MOBP: variants seen among roughly 807,000 people sequenced by gnomAD.
MOBP encodes myelin-associated oligodendrocyte basic protein.
In MOBP, 5 loss-of-function variants were observed where a neutral mutation model predicts 15.0. The ratio of observed to expected loss-of-function variants is 0.33; its 90% CI spans 0.17 to 0.70. The LOEUF (loss-of-function observed/expected upper bound fraction) is 0.70. MOBP is among the 30% of genes least tolerant of loss of function. The pLI is 0.67. For synonymous variants in MOBP, 88 were observed against 99.0 expected, an observed-to-expected ratio of 0.89 and a Z score of 0.66; for missense variants, 188 against 257.8, an observed-to-expected ratio of 0.73 and a Z score of 1.85.
rs1204018724 is a variant in MOBP at position 39,492,779 on chromosome 3, C to T, written c.-4-9287C>T. On this transcript the variant is annotated intron_variant, in intron 2 of 3. Transcript: ENST00000684792. The stretch of plus-strand genomic sequence containing the variant: ...CAGTGTGTTATTCTCACATAGGGTT[C>T]AGGTCCTGGGTGCACAGTCAAGGTC... Among the ~76,000 whole-genome samples the T allele has an allele frequency of 3.9e-5, 6 of 152,236 alleles. No individual in the cohort carries two copies. The South Asian group carries it at 1.0e-3, about 26-fold the overall frequency.
chr3:39,475,145 A>G (rs1055083930), intron 1 of MOBP, among the ~76,000 whole-genome samples: 1 of 152,140 alleles, frequency 6.6e-6, no homozygotes, highest in Non-Finnish European at 1.5e-5. Context: ...AAAAACATTG[A>G]AAAGTTATGT....
At chr3:39,507,233 T>G (rs1035046101), downstream of MOBP, among the ~76,000 whole-genome samples, 18 of 152,218 alleles carry the variant, frequency 1.2e-4, no homozygotes, top group African/African-American at 4.1e-4. Context: ...CTTGATTTCT[T>G]TCCTACAAAA....
chr3:39,506,472 A>G (rs1399330704), downstream of MOBP, among the ~76,000 whole-genome samples: 1 of 151,918 alleles, frequency 6.6e-6, no homozygotes. Context: ...GAGCCAATTA[A>G]AAAAAAGCAT....
At chr3:39,509,954 A>T (rs1384566920) in intron 4 of MOBP, among the ~76,000 whole-genome samples, 1 of 152,070 alleles carries the variant, frequency 6.6e-6, no homozygotes, top group Non-Finnish European at 1.5e-5. Context: ...TCTAGGTTTT[A>T]CTTTTACAGT....
chr3:39,489,322 G>T (rs1382849529), intron 2 of MOBP, among the ~76,000 whole-genome samples: 1 of 152,074 alleles, frequency 6.6e-6, no homozygotes, highest in Non-Finnish European at 1.5e-5. Context: ...CTACTCATGG[G>T]GTAAGAGATA....
At chr3:39,490,606 AG>A (rs1297748276) in intron 2 of MOBP, among the ~76,000 whole-genome samples, 1 of 152,166 alleles carries the variant, frequency 6.6e-6, no homozygotes, top group Non-Finnish European at 1.5e-5. Flanking sequence ...TCTGTCACCC[AG>A]GCTGGAGTGC....
rs779840872 is a variant in MOBP, at chr3:39,502,019, A to G, written c.-4-47A>G. ...CCAGAGTAGAGGGCTCCCTTTCCTG[A>G]TGTGCGTTTATGTCTCCTCCTGTCT... is the stretch of plus-strand genomic sequence containing the variant. On this transcript the variant is annotated intron_variant, in intron 2 of 3. Coordinates refer to ENST00000684792, the MANE Select transcript of MOBP (RefSeq NM_001393704.1). This position sits in a 1 kb window ranked among gnomAD's most constrained non-coding sequence, Gnocchi z 6.3. 1.3e-6 allele frequency: 2 copies of G among 1,519,262 alleles called. No individual in the cohort carries two copies. The highest frequency in any genetic ancestry group is 2.3e-5 in the South Asian group (2 of 88,774). 94.1% of individuals were successfully genotyped at this position (1,519,262 alleles called of 1,614,324 possible). A position where few individuals can be genotyped will look rare whatever the true frequency, so the allele number is the denominator to read the frequency against.
At chr3:39,522,536 A>G (rs968535774) in intron 3 of MOBP, among the ~76,000 whole-genome samples, 1 of 152,144 alleles carries the variant, frequency 6.6e-6, no homozygotes, top group African/African-American at 2.4e-5. Flanking sequence ...CCTCTGATCT[A>G]CTTTTTAAGC....
downstream of MOBP, among the ~76,000 whole-genome samples, chr3:39,507,974 G>A (rs1170193136): frequency 6.6e-6 from 1 of 152,148 alleles, no homozygotes; most frequent in Non-Finnish European, 1.5e-5. Flanking sequence ...CTGAATATTT[G>A]TCTTACACCC....
At chr3:39,496,479 G>A (rs1226083072) in intron 2 of MOBP, among the ~76,000 whole-genome samples, 4 of 150,214 alleles carry the variant, frequency 2.7e-5, no homozygotes, top group Admixed American at 1.3e-4. Context: ...GATTACAGGC[G>A]TGAGCCACCA....
downstream of MOBP, among the ~76,000 whole-genome samples, chr3:39,518,804 T>C (rs1447323216): frequency 6.6e-6 from 1 of 152,226 alleles, no homozygotes; most frequent in Non-Finnish European, 1.5e-5. Context: ...AAAGTTTTTC[T>C]TTACACCTTA....
At chr3:39,470,087 A>G (rs1029592648) in intron 1 of MOBP, among the ~76,000 whole-genome samples, 1 of 152,212 alleles carries the variant, frequency 6.6e-6, no homozygotes, top group African/African-American at 2.4e-5. Flanking sequence ...ATACAACTCA[A>G]TAGAGTTTCC....
At chr3:39,505,970 C>G (rs544699393), downstream of MOBP, among the ~76,000 whole-genome samples, 10 of 152,196 alleles carry the variant, frequency 6.6e-5, no homozygotes, top group Non-Finnish European at 1.3e-4. Context: ...CCAGCCCCCA[C>G]ACGTTCATCA....
intron 4 of MOBP, among the ~76,000 whole-genome samples, chr3:39,511,917 G>A (rs1324829689): frequency 6.6e-6 from 1 of 152,288 alleles, no homozygotes; most frequent in East Asian, 1.9e-4. Flanking sequence ...TCTGAGCTCT[G>A]CTGCCTGTGG....
intron 1 of MOBP, among the ~76,000 whole-genome samples, chr3:39,472,565 G>A (rs1260462600): frequency 8.5e-5 from 13 of 152,184 alleles, no homozygotes; most frequent in Non-Finnish European, 1.9e-4. Flanking sequence ...CTACTCGAAG[G>A]ATATTCCCAT....
chr3:39,501,572 A>G (rs2233200), intron 2 of MOBP, among the ~76,000 whole-genome samples: 2,846 of 152,262 alleles, frequency 0.019, 69 homozygotes, highest in African/African-American at 0.063. Flanking sequence ...CTTTTGTTCA[A>G]TGGTATGTCT....
At position 39,469,186 on chromosome 3, in the gene MOBP, G is replaced by C. The variant is rs1471385761; in HGVS notation, c.-89+1446G>C. On this transcript the variant is annotated intron_variant, in intron 1 of 3. Transcript: ENST00000684792. ...TGTGTATACATATATACATGTGTGTGTGTGTATATACATATATACATGTGT... is the reference window on the plus strand; with the variant it reads ...TGTGTATACATATATACATGTGTGTCTGTGTATATACATATATACATGTGT... Among the ~76,000 whole-genome samples, 6 of 102,556 alleles carry C rather than the reference G, an allele frequency of 5.9e-5. 2 individuals carry two copies. Among genetic ancestry groups the C allele is most frequent in the African/African-American group, 3.0e-4 (6 of 20,188 alleles). 67.3% of individuals were successfully genotyped at this position (102,556 alleles called of 152,430 possible).
At chr3:39,478,075 G>A (rs1768204) in intron 1 of MOBP, among the ~76,000 whole-genome samples, 11,773 of 152,042 alleles carry the variant, frequency 0.077, 728 homozygotes, top group East Asian at 0.16. Context: ...TAAGTATATA[G>A]CATTTATAAA....
chr3:39,483,466 AC>A (rs953206729), intron 2 of MOBP, among the ~76,000 whole-genome samples: 11 of 152,312 alleles, frequency 7.2e-5, no homozygotes, highest in African/African-American at 2.6e-4. Context: ...AAAGAATGGA[AC>A]CCCTGGAAAA....
Sources: allele counts gnomAD v4.1 joint callset (sites outside exome capture counted in the v4.1 genomes callset), GRCh38; gene constraint gnomAD v4.1.1; non-coding constraint Gnocchi (gnomAD v3.1); transcripts MANE v1.5; gene names NCBI Gene and HGNC (gene_info 2026-07-23, HGNC 2026-07-21).